MED13L: variants seen among roughly 807,000 people sequenced by gnomAD.
MED13L encodes mediator complex subunit 13L.
Under a neutral mutation model 220.9 loss-of-function variants are expected in MED13L, and 7 were observed. The ratio of observed to expected loss-of-function variants is 0.03; its 90% CI spans 0.02 to 0.06. MED13L has a LOEUF of 0.06. Among genes scored for constraint, MED13L ranks in the 10% least tolerant of loss-of-function variants. The pLI is 1.00. For missense variants in MED13L, 1,965 were observed against 2,760.5 expected, an observed-to-expected ratio of 0.71 and a Z score of 6.46; for synonymous variants, 1,011 against 1,015.2, an observed-to-expected ratio of 1.00 and a Z score of 0.08.
At chr12:116,186,283 C>G (rs1188319690) in intron 2 of MED13L, among the ~76,000 whole-genome samples, 2 of 152,056 alleles carry the variant, frequency 1.3e-5, no homozygotes, top group Non-Finnish European at 2.9e-5. Flanking sequence ...CCCTGCAAAC[C>G]GATCACATCT....
chr12:116,019,279 T>G lies in MED13L; in HGVS notation c.954A>C (p.Pro318=). 1 of 1,614,002 alleles carries G rather than the reference T, an allele frequency of 6.2e-7. No homozygotes were observed. The highest frequency in any genetic ancestry group is 8.5e-7 in the Non-Finnish European group (1 of 1,179,954). The stretch of plus-strand genomic sequence containing the variant: ...GGGTCAGAGGCATCCCACAGTTACT[T>G]GGGTCCTTCACACTACCAAGCCCTT... ...GQQGLGSVKD[P]SNCGMPLTPP... Residue 318 remains proline, a synonymous_variant, in exon 7 of 31, where the codon CCA becomes CCC. Coordinates refer to ENST00000281928, the MANE Select transcript of MED13L (RefSeq NM_015335.5).
chr12:116,060,631 T>C (rs1232589864), intron 4 of MED13L, among the ~76,000 whole-genome samples: 4 of 151,150 alleles, frequency 2.6e-5, no homozygotes, highest in Non-Finnish European at 4.4e-5. Context: ...AAGACAATGA[T>C]TCTGTACACT....
At chr12:116,008,292 C>A in intron 10 of MED13L, 109 bp downstream of exon 10, 2 of 1,435,080 alleles carry the variant, frequency 1.4e-6, no homozygotes, top group South Asian at 1.4e-5. Context: ...TCAAGAAGGA[C>A]AAAGAAAAGC....
At chr12:116,191,194 T>C (rs1881260538) in intron 2 of MED13L, among the ~76,000 whole-genome samples, 2 of 152,032 alleles carry the variant, frequency 1.3e-5, no homozygotes, top group Admixed American at 6.6e-5. Context: ...GTAACAGTAA[T>C]GTCAAATACT....
At chr12:116,147,012 C>T (rs1036986232) in intron 2 of MED13L, among the ~76,000 whole-genome samples, 1 of 152,068 alleles carries the variant, frequency 6.6e-6, no homozygotes, top group African/African-American at 2.4e-5. Context: ...TATGGTGGCC[C>T]TACTATGCCT....
At chr12:116,182,033 T>A (rs1880566261) in intron 2 of MED13L, among the ~76,000 whole-genome samples, 1 of 152,152 alleles carries the variant, frequency 6.6e-6, no homozygotes, top group African/African-American at 2.4e-5. Flanking sequence ...ACTGGAAAAC[T>A]CCACAGGTCC....
At chr12:116,257,080 T>C (rs897976069) in intron 1 of MED13L, among the ~76,000 whole-genome samples, 2 of 152,250 alleles carry the variant, frequency 1.3e-5, no homozygotes, top group Non-Finnish European at 2.9e-5. Flanking sequence ...ATTATTTTCA[T>C]GTCTGACTAC....
intron 4 of MED13L, among the ~76,000 whole-genome samples, chr12:116,034,256 G>A (rs989913654): frequency 6.6e-6 from 1 of 152,102 alleles, no homozygotes; most frequent in East Asian, 1.9e-4. Context: ...TTGGACCCCA[G>A]TACTTAGTAT....
chr12:116,085,727 C>CTGTAGTA (rs1871607816), intron 4 of MED13L, among the ~76,000 whole-genome samples: 1 of 149,370 alleles, frequency 6.7e-6, no homozygotes, highest in African/African-American at 2.5e-5. Context: ...TTCTCATCTT[C>CTGTAGTA]TAAATTCAAG....
At chr12:116,088,605 G>A (rs990569842) in intron 4 of MED13L, among the ~76,000 whole-genome samples, 1 of 152,028 alleles carries the variant, frequency 6.6e-6, no homozygotes, top group Non-Finnish European at 1.5e-5. Context: ...ACAGTGCCAA[G>A]GCTGAGAAAC....
At chr12:116,007,185 T>C (rs1269703531) in intron 11 of MED13L, 4 of 582,372 alleles carry the variant, frequency 6.9e-6, no homozygotes, top group African/African-American at 3.7e-5. Flanking sequence ...GCCTGGAAAA[T>C]ATGAGGCTTC....
chr12:116,207,067 T>C (rs1337093309), intron 2 of MED13L, among the ~76,000 whole-genome samples: 1 of 151,962 alleles, frequency 6.6e-6, no homozygotes, highest in Non-Finnish European at 1.5e-5. Flanking sequence ...AATACAGTCA[T>C]ATGCCGCCAT....
chr12:115,975,022 C>T (rs1312438321), intron 25 of MED13L, 149 bp downstream of exon 25: 5 of 818,458 alleles, frequency 6.1e-6, no homozygotes, highest in African/African-American at 1.7e-5. Flanking sequence ...GAGTTTAAAA[C>T]TGGTTTATCC....
intron 2 of MED13L, among the ~76,000 whole-genome samples, chr12:116,203,002 T>G (rs1882097964): frequency 6.6e-6 from 1 of 152,166 alleles, no homozygotes; most frequent in African/African-American, 2.4e-5. Context: ...TGCTAAAACT[T>G]TTCAGATTTA....
intron 4 of MED13L, among the ~76,000 whole-genome samples, chr12:116,063,953 T>C (rs1055850520): frequency 2.0e-5 from 3 of 152,018 alleles, no homozygotes; most frequent in African/African-American, 7.2e-5. Flanking sequence ...GATGGTGAGG[T>C]GGCCGGATTG....
At chr12:116,000,402 C>A (rs981985822) in intron 14 of MED13L, among the ~76,000 whole-genome samples, 5 of 152,194 alleles carry the variant, frequency 3.3e-5, no homozygotes, top group Admixed American at 6.5e-5. Context: ...TCCCATCCTG[C>A]CTATCTCTGC....
chr12:116,112,282 C>A (rs1383478847), intron 2 of MED13L, among the ~76,000 whole-genome samples: 1 of 152,066 alleles, frequency 6.6e-6, no homozygotes, highest in Admixed American at 6.6e-5. Flanking sequence ...TAGTTCAATG[C>A]AAGACAGCAA....
intron 2 of MED13L, among the ~76,000 whole-genome samples, chr12:116,202,269 T>C (rs1372947546): frequency 6.6e-6 from 1 of 152,190 alleles, no homozygotes; most frequent in Non-Finnish European, 1.5e-5. Flanking sequence ...CCATATTCAG[T>C]AAGGCTGTGT....
At chr12:116,145,473 C>A (rs1387476304) in intron 2 of MED13L, among the ~76,000 whole-genome samples, 1 of 152,000 alleles carries the variant, frequency 6.6e-6, no homozygotes, top group Non-Finnish European at 1.5e-5. Context: ...GCATACAGTT[C>A]CTCAGCAGTT....
Sources: allele counts gnomAD v4.1 joint callset (sites outside exome capture counted in the v4.1 genomes callset), GRCh38; gene constraint gnomAD v4.1.1; transcripts MANE v1.5; gene names NCBI Gene and HGNC (gene_info 2026-07-23, HGNC 2026-07-21).